Variants in RIMS1 observed in about 807,000 individuals in gnomAD.
RIMS1 encodes regulating synaptic membrane exocytosis 1.
A neutral mutation model predicts 214.1 loss-of-function variants in RIMS1; 83 were observed. That is an observed-to-expected ratio of 0.39 (90% CI 0.32 to 0.47). The LOEUF (loss-of-function observed/expected upper bound fraction) is 0.47, where lower values mean the gene tolerates loss of function less well. Ranked by LOEUF, RIMS1 falls within the 20% of genes least tolerant of loss-of-function variation. The pLI is 0.99. For missense variants in RIMS1, 2,050 were observed against 2,161.8 expected (o/e 0.95, Z 1.03); for synonymous variants, 793 against 786.8 (o/e 1.01, Z -0.13).
intron 2 of RIMS1, among the ~76,000 whole-genome samples, chr6:72,036,271 T>C (rs1819581203): frequency 2.0e-5 from 3 of 152,202 alleles, no homozygotes; most frequent in African/African-American, 7.2e-5. Flanking sequence ...CCAAAAGCTG[T>C]AGATAAGGAG....
intron 1 of RIMS1, among the ~76,000 whole-genome samples, chr6:71,926,175 C>T (rs1582792427): frequency 6.6e-6 from 1 of 152,152 alleles, no homozygotes; most frequent in Non-Finnish European, 1.5e-5. Context: ...TTGTGATCCA[C>T]CTGCCTTGGC....
chr6:72,080,364 G>C (rs565654173), intron 2 of RIMS1, among the ~76,000 whole-genome samples: 3 of 152,302 alleles, frequency 2.0e-5, no homozygotes, highest in African/African-American at 7.2e-5. Context: ...GTAGAAGGAA[G>C]ATGTAACTGA....
chr6:72,191,797 A>G lies in RIMS1; in HGVS notation c.1678+8648A>G, dbSNP rs114576771. 3.6e-3 allele frequency among the ~76,000 whole-genome samples: 551 copies of G among 152,334 alleles called. 5 individuals carry two copies. Among genetic ancestry groups the G allele is most frequent in the African/African-American group, 0.013 (529 of 41,584 alleles). On this transcript the variant is annotated intron_variant, in intron 6 of 33. Transcript: ENST00000521978. ...GAGTCACCACAACTTGGTTAAGCTT[A>G]TGATAATTCACTGTCGTTCTCCAAG... is the stretch of plus-strand genomic sequence containing the variant.
At chr6:72,183,799 A>T (rs1035305469) in intron 6 of RIMS1, among the ~76,000 whole-genome samples, 1 of 152,208 alleles carries the variant, frequency 6.6e-6, no homozygotes, top group Admixed American at 6.5e-5. Flanking sequence ...TAGGTATGTC[A>T]TGAATGCATA....
intron 27 of RIMS1, 89 bp from the exon 28 acceptor site, chr6:72,313,417 G>T (rs912676427): frequency 1.2e-5 from 14 of 1,121,132 alleles, no homozygotes; most frequent in African/African-American, 1.2e-4. Context: ...CCTTTATTTG[G>T]TGTGGGCTAA....
At chr6:71,968,191 A>G (rs552523685) in intron 1 of RIMS1, among the ~76,000 whole-genome samples, 2 of 152,318 alleles carry the variant, frequency 1.3e-5, no homozygotes, top group Non-Finnish European at 2.9e-5. Context: ...TGGGCCATCC[A>G]TGTTCATCCT....
chr6:71,967,211 A>T (rs1249814132), intron 1 of RIMS1, among the ~76,000 whole-genome samples: 1 of 151,846 alleles, frequency 6.6e-6, no homozygotes, highest in Non-Finnish European at 1.5e-5. Context: ...ACATGGTGAA[A>T]CCCCGTCTCT....
intron 28 of RIMS1, chr6:72,316,562 G>A (rs535734502): frequency 9.6e-5 from 38 of 394,366 alleles, no homozygotes; most frequent in Admixed American, 6.8e-4. Context: ...GGGGATGGGA[G>A]GTGGAGGGAG....
intron 29 of RIMS1, among the ~76,000 whole-genome samples, chr6:72,373,168 T>G (rs2098271900): frequency 6.6e-6 from 1 of 152,226 alleles, no homozygotes; most frequent in East Asian, 1.9e-4. Context: ...ATGCTAAGTT[T>G]CTGATCTGTT....
At chr6:72,118,353 A>G (rs1165682198) in intron 4 of RIMS1, among the ~76,000 whole-genome samples, 1 of 151,394 alleles carries the variant, frequency 6.6e-6, no homozygotes, top group Non-Finnish European at 1.5e-5. Context: ...GCCAGTAAGT[A>G]AAAGTCCAGG....
At chr6:71,941,636 C>G (rs1249137521) in intron 1 of RIMS1, among the ~76,000 whole-genome samples, 2 of 152,172 alleles carry the variant, frequency 1.3e-5, no homozygotes, top group Non-Finnish European at 2.9e-5. Flanking sequence ...CACAATATCT[C>G]CAGCTGGTGG....
chr6:71,969,503 G>A (rs900889857), intron 2 of RIMS1, among the ~76,000 whole-genome samples: 1 of 152,216 alleles, frequency 6.6e-6, no homozygotes, highest in East Asian at 1.9e-4. Context: ...AAAGGTAACT[G>A]ACAATTTTTA....
chr6:72,132,218 GAA>G (rs965128450), intron 4 of RIMS1, among the ~76,000 whole-genome samples: 4 of 152,302 alleles, frequency 2.6e-5, no homozygotes, highest in Middle Eastern at 3.4e-3. Flanking sequence ...ATTGATTGGG[GAA>G]GTGATAAGTG....
In RIMS1 at chr6:71,910,428, C is replaced by T. The variant is rs538448841; in HGVS notation, c.164+23241C>T. 1.1e-4 allele frequency among the ~76,000 whole-genome samples: 16 copies of T among 152,184 alleles called. 1 individual carries two copies. In the South Asian group the frequency reaches 3.3e-3, roughly 32 times the overall value. ...GGGATCCCTGGGCTGAAAAGAGGAT[C>T]TGGCCCAGGCAGTGGTAGCCAGTTG... On this transcript the variant is annotated intron_variant, in intron 1 of 33. Transcript: ENST00000521978.
intron 1 of RIMS1, 58 bp from the exon 2 acceptor site, chr6:71,968,925 A>G: frequency 6.8e-7 from 1 of 1,467,524 alleles, no homozygotes; most frequent in South Asian, 1.1e-5. Context: ...TAATTTCTAG[A>G]TGTGTTCTAC....
At chr6:72,379,767 A>C (rs964250798) in intron 29 of RIMS1, among the ~76,000 whole-genome samples, 7 of 152,124 alleles carry the variant, frequency 4.6e-5, no homozygotes, top group African/African-American at 1.4e-4. Context: ...AAGGTGTAAA[A>C]GGCTCAGTAG....
intron 1 of RIMS1, among the ~76,000 whole-genome samples, chr6:71,937,148 A>C (rs9350445): frequency 0.7 from 106,036 of 151,958 alleles, 38,038 homozygotes; most frequent in East Asian, 0.99. Flanking sequence ...CTAATGGGGA[A>C]CAGTGTCTTA....
chr6:72,018,028 C>G (rs1372013528), intron 2 of RIMS1, among the ~76,000 whole-genome samples: 1 of 152,114 alleles, frequency 6.6e-6, no homozygotes, highest in African/African-American at 2.4e-5. Context: ...TAGGGAGACA[C>G]TTGAAGAGTT....
intron 2 of RIMS1, among the ~76,000 whole-genome samples, chr6:72,035,318 C>A (rs9442729): frequency 0.13 from 19,905 of 151,898 alleles, 1,359 homozygotes; most frequent in South Asian, 0.18. Flanking sequence ...ATTTCCCAAC[C>A]TTTATCAGAG....
Sources: gnomAD v4.1 joint callset for allele counts (sites outside exome capture counted in the v4.1 genomes callset) on GRCh38, gnomAD v4.1.1 for gene constraint, MANE v1.5 for transcripts, NCBI Gene and HGNC (gene_info 2026-07-23, HGNC 2026-07-21) for gene names.